The following TM9SF2 variants were observed in gnomAD, a reference collection of about 807,000 sequenced individuals.
TM9SF2 encodes the protein 76 kDa membrane protein.
TM9SF2 carries 13 observed loss-of-function variants against 84.9 expected under a neutral mutation model. The ratio of observed to expected loss-of-function variants is 0.15; its 90% CI spans 0.10 to 0.24. TM9SF2 has a LOEUF of 0.24. Ranked by LOEUF, TM9SF2 falls within the 10% of genes least tolerant of loss-of-function variation. TM9SF2 has a pLI of 1.00. For missense variants in TM9SF2, 562 were observed against 818.5 expected, an observed-to-expected ratio of 0.69 and a Z score of 3.82; for synonymous variants, 273 against 285.8, an observed-to-expected ratio of 0.96 and a Z score of 0.45.
intron 13 of TM9SF2, among the ~76,000 whole-genome samples, chr13:99,553,236 CTGTG>C (rs1055816260): frequency 6.6e-6 from 1 of 152,238 alleles, no homozygotes; most frequent in African/African-American, 2.4e-5. Flanking sequence ...AAAAGAAAGA[CTGTG>C]TGGTTAGTAC....
intron 11 of TM9SF2, 40 bp from the exon 12 acceptor site, chr13:99,549,125 A>T (rs767204647): frequency 6.3e-7 from 1 of 1,580,790 alleles, no homozygotes; most frequent in Admixed American, 1.7e-5. Flanking sequence ...TTTGCTTTAA[A>T]GAAAATCTGT....
Position 99,502,251 on chromosome 13 carries a change from G to C in TM9SF2, c.171+474G>C, listed in dbSNP as rs535530440. Among the ~76,000 whole-genome samples, 6 of 152,332 alleles carry C rather than the reference G, an allele frequency of 3.9e-5. No homozygotes were observed. In the East Asian group the frequency reaches 9.7e-4, roughly 25 times the overall value. On this transcript the variant is annotated intron_variant, in intron 1 of 16. Coordinates refer to ENST00000376387, the MANE Select transcript of TM9SF2 (RefSeq NM_004800.3). ...TTAGCTTTTAACTTCATTGCTTCCT[G>C]TTTAATTGCATTTTCCTGGAACCTT...
intron 3 of TM9SF2, among the ~76,000 whole-genome samples, chr13:99,528,820 AATAC>A (rs1478416291): frequency 3.3e-5 from 5 of 152,190 alleles, no homozygotes; most frequent in African/African-American, 1.2e-4. Context: ...GATGTTAATA[AATAC>A]ATACATACAA....
intron 3 of TM9SF2, among the ~76,000 whole-genome samples, chr13:99,526,678 G>A (rs1191912147): frequency 1.3e-5 from 2 of 152,134 alleles, no homozygotes; most frequent in African/African-American, 4.8e-5. Flanking sequence ...TTTGAAATTG[G>A]ATGAAGACCA....
At chr13:99,560,667 A>ATTTATTTTTATTTAT (rs1470397004) in intron 16 of TM9SF2, among the ~76,000 whole-genome samples, 1 of 152,056 alleles carries the variant, frequency 6.6e-6, no homozygotes, top group Non-Finnish European at 1.5e-5. Flanking sequence ...CCTAAATTTT[A>ATTTATTTTTATTTAT]TTTATTTTTA....
At chr13:99,553,439 A>G (rs1383547601) in intron 13 of TM9SF2, among the ~76,000 whole-genome samples, 3 of 152,242 alleles carry the variant, frequency 2.0e-5, no homozygotes, top group African/African-American at 4.8e-5. Context: ...TGATTAAACA[A>G]TTACTTGAAA....
chr13:99,512,241 ATT>A, intron 1 of TM9SF2, among the ~76,000 whole-genome samples: 1 of 152,320 alleles, frequency 6.6e-6, no homozygotes, highest in South Asian at 2.1e-4. Flanking sequence ...TGTTATAGTT[ATT>A]GTGTGCCAAT....
chr13:99,546,357 T>C (rs1447089414), intron 10 of TM9SF2, among the ~76,000 whole-genome samples: 1 of 152,176 alleles, frequency 6.6e-6, no homozygotes, highest in Non-Finnish European at 1.5e-5. Context: ...TAATATAGCA[T>C]TTTAATTCTC....
At chr13:99,524,466 G>C (rs185682490) in intron 3 of TM9SF2, among the ~76,000 whole-genome samples, 35 of 152,152 alleles carry the variant, frequency 2.3e-4, no homozygotes, top group Admixed American at 1.7e-3. Context: ...TTTGGATGTG[G>C]TAAGTGAGAG....
chr13:99,558,079 G>A (rs2046331454), intron 15 of TM9SF2, among the ~76,000 whole-genome samples: 2 of 152,192 alleles, frequency 1.3e-5, no homozygotes, highest in African/African-American at 4.8e-5. Context: ...TGAAGAGGCT[G>A]TTCTTTCCTC....
intron 4 of TM9SF2, among the ~76,000 whole-genome samples, chr13:99,536,112 A>C (rs2046232934): frequency 6.6e-6 from 1 of 152,124 alleles, no homozygotes; most frequent in African/African-American, 2.4e-5. Flanking sequence ...ACTGTCTAAT[A>C]AACTGTTCCT....
At chr13:99,522,758 T>TG (rs901421705) in intron 3 of TM9SF2, among the ~76,000 whole-genome samples, 1 of 152,142 alleles carries the variant, frequency 6.6e-6, no homozygotes, top group African/African-American at 2.4e-5. Context: ...CTCAAACCCA[T>TG]GGGGAGGTGT....
chr13:99,544,336 C>T (rs2046273587), intron 10 of TM9SF2, among the ~76,000 whole-genome samples: 1 of 146,748 alleles, frequency 6.8e-6, no homozygotes, highest in South Asian at 2.2e-4. Flanking sequence ...GTGCAAGACT[C>T]CATCTCAAAA....
chr13:99,539,589 G>A, intron 7 of TM9SF2, 32 bp downstream of exon 7: 3 of 1,335,620 alleles, frequency 2.2e-6, no homozygotes, highest in Non-Finnish European at 2.2e-6. Flanking sequence ...GTATAACTCT[G>A]AAATTGATTT....
At chr13:99,526,406 A>T (rs2046183719) in intron 3 of TM9SF2, among the ~76,000 whole-genome samples, 1 of 152,224 alleles carries the variant, frequency 6.6e-6, no homozygotes, top group South Asian at 2.1e-4. Context: ...GTTATGAAAG[A>T]TGGAGATACT....
At chr13:99,527,730 T>C (rs945426091) in intron 3 of TM9SF2, among the ~76,000 whole-genome samples, 1 of 152,234 alleles carries the variant, frequency 6.6e-6, no homozygotes, top group Non-Finnish European at 1.5e-5. Context: ...TGCTATTTGC[T>C]AAAAGCTGGT....
chr13:99,530,389 A>AC (rs1030213773), intron 4 of TM9SF2, among the ~76,000 whole-genome samples: 2 of 152,136 alleles, frequency 1.3e-5, no homozygotes, highest in African/African-American at 4.8e-5. Flanking sequence ...GTGCCACTGC[A>AC]CTCCCGCCTG....
At chr13:99,514,171 T>C (rs181671123) in intron 1 of TM9SF2, 55 of 152,296 alleles carry the variant, frequency 3.6e-4, no homozygotes, top group African/African-American at 1.3e-3. Context: ...CATCACAGTG[T>C]AATTACCTTA....
intron 1 of TM9SF2, among the ~76,000 whole-genome samples, chr13:99,508,402 AAAAC>A (rs2046097734): frequency 1.3e-5 from 1 of 74,252 alleles, no homozygotes; most frequent in Non-Finnish European, 2.5e-5. Context: ...AAAGGCAAAC[AAAAC>A]ACACACACAC....
Sources: gnomAD v4.1 joint callset for allele counts (sites outside exome capture counted in the v4.1 genomes callset) on GRCh38, gnomAD v4.1.1 for gene constraint, MANE v1.5 for transcripts, NCBI Gene and HGNC (gene_info 2026-07-23, HGNC 2026-07-21) for gene names.